Variants in CCN6 observed in about 807,000 individuals in gnomAD.
The protein encoded by CCN6 is CCN family member 6.
In CCN6, 31 loss-of-function variants were observed where a neutral mutation model predicts 37.4. The observed-to-expected ratio is 0.83, with a 90% CI of 0.62 to 1.12. The LOEUF (loss-of-function observed/expected upper bound fraction) is 1.12. Among genes scored for constraint, CCN6 ranks in the 50% most tolerant of loss-of-function variants. The pLI is 0.00. For synonymous variants in CCN6, 137 were observed against 142.1 expected, an observed-to-expected ratio of 0.96 and a Z score of 0.26; for missense variants, 369 against 413.8, an observed-to-expected ratio of 0.89 and a Z score of 0.94.
At position 112,061,148 on chromosome 6, in the gene CCN6, G is replaced by A. The variant is rs782354915; in HGVS notation, c.206G>A (p.Arg69Lys). The A allele has an allele frequency of 1.9e-6, 3 of 1,614,064 alleles. No individual in the cohort carries two copies. The highest frequency in any genetic ancestry group is 2.7e-5 in the African/African-American group (2 of 74,918). Residue 69 changes from arginine (R) to lysine (K), a missense_variant, in exon 2 of 5, where the codon AGA becomes AAA. By Grantham distance (26) the Arg-to-Lys change is conservative. Coordinates refer to ENST00000368666, the MANE Select transcript of CCN6 (RefSeq NM_198239.2). ...TGCCCTCCTGGAGTGAGCCTGGTGA[G>A]AGATGGCTGTGGATGCTGTAAAATC... is the stretch of plus-strand genomic sequence containing the variant. ...PRCPPGVSLV[R>K]DGCGCCKICA...
intron 2 of CCN6, 33 bp from the exon 3 acceptor site, chr6:112,064,721 CT>C (rs1583581402): frequency 6.2e-7 from 1 of 1,613,688 alleles, no homozygotes; most frequent in Non-Finnish European, 8.5e-7. Context: ...CAGATCATGG[CT>C]TCTTTGGCAA....
Position 112,061,285 on chromosome 6 carries a change from G to A in CCN6, c.343G>A (p.Ala115Thr). 2 of 1,614,186 alleles carry A rather than the reference G, an allele frequency of 1.2e-6. No individual in the cohort carries two copies. The highest frequency in any genetic ancestry group is 4.5e-5 in the East Asian group (2 of 44,888). The change falls in exon 2 of 5, where the codon GCA becomes ACA. Residue 115 changes from alanine (A) to threonine (T), a missense_variant. By Grantham distance (58) the Ala-to-Thr change is moderately conservative. Transcript: ENST00000368666. Reference sequence around the variant, plus strand: ...GCCTAGGTACGAGACTGGAGTGTGTGCATGTAAGTGTCTTCTTCTGGACCT... The same window carrying A: ...GCCTAGGTACGAGACTGGAGTGTGTACATGTAAGTGTCTTCTTCTGGACCT... Reference protein sequence around the residue: ...DRPRYETGVCAYLVAVGCEFN... With the variant: ...DRPRYETGVCTYLVAVGCEFN...
At position 112,069,640 on chromosome 6, in the gene CCN6, A is replaced by C. The variant is rs782583394; in HGVS notation, c.*20A>C. Reference sequence around the variant, plus strand: ...CTGTAAAACCAAGCAAATGGGGGAAAAGTTAGTCAATCCTGTCATATAATA... The same window carrying C: ...CTGTAAAACCAAGCAAATGGGGGAACAGTTAGTCAATCCTGTCATATAATA... On this transcript the variant is annotated 3_prime_UTR_variant, in exon 5 of 5. Coordinates refer to ENST00000368666, the MANE Select transcript of CCN6 (RefSeq NM_198239.2). 4 of 1,613,346 alleles carry C rather than the reference A, an allele frequency of 2.5e-6. No homozygotes were observed. The Middle Eastern group carries it at 5.0e-4, about 200-fold the overall frequency.
At position 112,064,808 on chromosome 6, in the gene CCN6, G is replaced by A. The variant is rs1562596967; in HGVS notation, c.400G>A (p.Val134Met). 2.4e-5 allele frequency: 39 copies of A among 1,613,964 alleles called. No individual in the cohort carries two copies. Among genetic ancestry groups the A allele is most frequent in the Non-Finnish European group, 3.1e-5 (37 of 1,179,964 alleles). ...CCAGGTACATTATCATAATGGCCAA[G>A]TGTTTCAGCCCAACCCCTTGTTCAG... The part of the protein sequence containing the change: ...FNQVHYHNGQ[V>M]FQPNPLFSCL... The change falls in exon 3 of 5, where the codon GTG becomes ATG. Residue 134 changes from valine to methionine, a missense_variant. Physicochemically the swap from Val to Met is conservative, Grantham distance 21. Transcript: ENST00000368666.
rs1776667032 is a variant in CCN6, at chr6:112,065,616, A to ACGCGCG, written c.589+620_589+621insGCGCGC. ...CACACACACAAACACACACGCACACACACACGCACGCACACACACACACAC... is the reference window on the plus strand; with the variant it reads ...CACACACACAAACACACACGCACACACGCGCGCACACGCACGCACACACACACACAC... On this transcript the variant is annotated intron_variant, in intron 3 of 4. Coordinates refer to ENST00000368666, the MANE Select transcript of CCN6 (RefSeq NM_198239.2). Among the ~76,000 whole-genome samples, 2 of 101,886 alleles carry ACGCGCG rather than the reference A, an allele frequency of 2.0e-5. 1 individual carries two copies. Among genetic ancestry groups the ACGCGCG allele is most frequent in the South Asian group, 5.1e-4 (2 of 3,930 alleles). The allele number at this position is 101,886 out of a possible 152,430, so 66.8% of individuals were successfully genotyped here.
In CCN6 at chr6:112,064,609, G is replaced by A. The variant is rs587748905; in HGVS notation, c.347-146G>A. 7 of 1,272,986 alleles carry A rather than the reference G, an allele frequency of 5.5e-6. No individual in the cohort carries two copies. The African/African-American group carries it at 1.0e-4, about 19-fold the overall frequency. 78.9% of individuals were successfully genotyped at this position (1,272,986 alleles called of 1,614,324 possible). A position where few individuals can be genotyped will look rare whatever the true frequency, so the allele number is the denominator to read the frequency against. ...TTAGAAACCTTTCTACAGATGTCCT[G>A]TGAAGGAGGTTCCAAATGGAACCTA... On this transcript the variant is annotated intron_variant, in intron 2 of 4. Coordinates refer to ENST00000368666, the MANE Select transcript of CCN6 (RefSeq NM_198239.2).
intron 1 of CCN6, among the ~76,000 whole-genome samples, chr6:112,060,693 G>A (rs587604640): frequency 1.3e-5 from 2 of 152,182 alleles, no homozygotes; most frequent in South Asian, 2.1e-4. Flanking sequence ...TTATCCATGG[G>A]GCTCTGAGGT....
chr6:112,066,327 T>C (rs1253948094), intron 3 of CCN6, among the ~76,000 whole-genome samples: 1 of 152,114 alleles, frequency 6.6e-6, no homozygotes, highest in Non-Finnish European at 1.5e-5. Context: ...AGTCATTCAG[T>C]ATAAGGCTCT....
At position 112,069,382 on chromosome 6, in the gene CCN6, A is replaced by G; in HGVS notation, c.827A>G (p.Lys276Arg). Residue 276 changes from lysine to arginine, a missense_variant, in exon 5 of 5, where the codon AAA (lysine) becomes AGA (arginine). Transcript: ENST00000368666. ...TGCCAACCTACTTTCCAACTCTCCA[A>G]AGCTGAAAAATTTGTCTTTTCTGGA... ...KTCQPTFQLS[K>R]AEKFVFSGCS... 2 of 1,613,628 alleles carry G rather than the reference A, an allele frequency of 1.2e-6. No individual in the cohort carries two copies. Among genetic ancestry groups the G allele is most frequent in the Non-Finnish European group, 1.7e-6 (2 of 1,179,844 alleles).
Position 112,054,399 on chromosome 6 carries a change from G to A in CCN6, c.42G>A (p.Leu14=). ...TCTCCACTCTTCTGCTTGCTGGCCT[G>A]GCACAGGTAAGTCCTCTCCCCCGAC... ...LLFSTLLLAG[L]AQFCCRVQGT... Residue 14 remains leucine, a synonymous_variant, in exon 1 of 5, where the codon CTG becomes CTA. Transcript: ENST00000368666. The A allele has an allele frequency of 6.2e-7, 1 of 1,613,328 alleles. No homozygotes were observed. The highest frequency in any genetic ancestry group is 1.1e-5 in the South Asian group (1 of 91,004).
In CCN6 at chr6:112,063,152, C is replaced by T. The variant is rs79052350; in HGVS notation, c.347-1603C>T. On this transcript the variant is annotated intron_variant, in intron 2 of 4. Transcript: ENST00000368666. ...TCGCACATTTGCTGCTTCTTTCAATCTGTTACTATGTGTTTTTCTGGTTGA... is the reference window on the plus strand; with the variant it reads ...TCGCACATTTGCTGCTTCTTTCAATTTGTTACTATGTGTTTTTCTGGTTGA... 6.2e-4 allele frequency among the ~76,000 whole-genome samples: 94 copies of T among 152,282 alleles called. 1 individual carries two copies. The East Asian group carries it at 0.015, about 24-fold the overall frequency.
At chr6:112,063,363 C>T (rs1369083472) in intron 2 of CCN6, among the ~76,000 whole-genome samples, 2 of 152,140 alleles carry the variant, frequency 1.3e-5, no homozygotes, top group Non-Finnish European at 2.9e-5. Flanking sequence ...AATGAACTTT[C>T]GACTCTGTGA....
Position 112,068,122 on chromosome 6 carries a change from A to T in CCN6, c.590-83A>T, listed in dbSNP as rs1023916624. On this transcript the variant is annotated intron_variant, in intron 3 of 4. Transcript: ENST00000368666. ...TTATACAAAAATACTCAGATTTCTT[A>T]AACATTAAACATGATTAAAAATTAT... The T allele has an allele frequency of 4.1e-5, 48 of 1,157,554 alleles. 1 individual carries two copies. In the South Asian group the frequency reaches 4.8e-4, roughly 12 times the overall value. 71.7% of individuals were successfully genotyped at this position (1,157,554 alleles called of 1,614,324 possible).
At chr6:112,064,161 G>C (rs1433317560) in intron 2 of CCN6, among the ~76,000 whole-genome samples, 13 of 152,126 alleles carry the variant, frequency 8.5e-5, no homozygotes, top group Non-Finnish European at 1.9e-4. Flanking sequence ...AGTGAAAAAG[G>C]CCAGCCACAT....
intron 3 of CCN6, among the ~76,000 whole-genome samples, chr6:112,067,601 A>T (rs1403427402): frequency 2.0e-5 from 3 of 152,154 alleles, no homozygotes; most frequent in African/African-American, 7.2e-5. Flanking sequence ...TGTGACAATT[A>T]AGTTGAATGA....
intron 2 of CCN6, 144 bp from the exon 3 acceptor site, chr6:112,064,611 G>T (rs1776622262): frequency 7.8e-7 from 1 of 1,282,746 alleles, no homozygotes. Context: ...GATGTCCTGT[G>T]AAGGAGGTTC....
At chr6:112,067,250 A>T (rs1554314211) in intron 3 of CCN6, among the ~76,000 whole-genome samples, 1 of 151,908 alleles carries the variant, frequency 6.6e-6, no homozygotes, top group Non-Finnish European at 1.5e-5. Context: ...TGCTGTGCAG[A>T]CTCAAATCAC....
chr6:112,065,617 C>CACACAA (rs1210081380), intron 3 of CCN6, among the ~76,000 whole-genome samples: 1 of 100,024 alleles, frequency 1.0e-5, no homozygotes, highest in Non-Finnish European at 2.2e-5. Flanking sequence ...CACGCACACA[C>CACACAA]ACACGCACGC....
intron 3 of CCN6, 25 bp downstream of exon 3, chr6:112,065,022 C>T: frequency 6.2e-7 from 1 of 1,613,660 alleles, no homozygotes; most frequent in Non-Finnish European, 8.5e-7. Context: ...AGCTATTTTT[C>T]ACGTATGACC....
Sources: allele counts gnomAD v4.1 joint callset (sites outside exome capture counted in the v4.1 genomes callset), GRCh38; gene constraint gnomAD v4.1.1; transcripts MANE v1.5; gene names NCBI Gene and HGNC (gene_info 2026-07-23, HGNC 2026-07-21).